Variants in TAB1 observed in about 807,000 individuals in gnomAD.
TAB1 encodes TGF-beta activated kinase 1 (MAP3K7) binding protein 1.
Under a neutral mutation model 54.5 loss-of-function variants are expected in TAB1, and 30 were observed. The ratio of observed to expected loss-of-function variants is 0.55; its 90% CI spans 0.41 to 0.75. The LOEUF is 0.75. TAB1 is among the 30% of genes least tolerant of loss of function. The probability of loss-of-function intolerance (pLI) is 0.00; values close to 1 mark genes in which losing one functional copy is unlikely to be tolerated. For missense variants in TAB1, 609 were observed against 683.2 expected (o/e 0.89, Z 1.21); for synonymous variants, 289 against 286.9 (o/e 1.01, Z -0.07).
downstream of TAB1, chr22:39,433,445 C>A (rs533031341): frequency 2.0e-4 from 188 of 938,704 alleles, 1 homozygote; most frequent in African/African-American, 1.3e-4. Flanking sequence ...AGAGCGAGAC[C>A]CTGTCTCAAG....
chr22:39,405,705 T>G (rs1926331700), intron 1 of TAB1, among the ~76,000 whole-genome samples: 1 of 152,180 alleles, frequency 6.6e-6, no homozygotes, highest in African/African-American at 2.4e-5. Flanking sequence ...GCGAGAGACT[T>G]GGCAGTCCTG....
rs117827974 is a variant in TAB1, at chr22:39,431,313, G to A, written c.*1091G>A. 4.9e-4 allele frequency: 486 copies of A among 985,602 alleles called. 11 individuals carry two copies. In the East Asian group the frequency reaches 0.039, roughly 79 times the overall value. The allele number at this position is 985,602 out of a possible 1,614,324, so 61.1% of individuals were successfully genotyped here. A position where few individuals can be genotyped will look rare whatever the true frequency, so the allele number is the denominator to read the frequency against. ...GGGAGGGGGTGCCACCAGGGCTGTC[G>A]GCCAGGATTGCCACTCCTGTTTCAG... On this transcript the variant is annotated 3_prime_UTR_variant, in exon 11 of 11. Coordinates refer to ENST00000216160, the MANE Select transcript of TAB1 (RefSeq NM_006116.3).
Position 39,415,076 on chromosome 22 carries a change from G to A in TAB1, c.104G>A (p.Arg35His), listed in dbSNP as rs200488916. ...HLSGVGSASN[R>H]SYSADGKGTE... is the part of the protein sequence containing the mutation. ...TCTGGGGTTGGCTCAGCCTCCAACC[G>A]CAGCTACTCTGCTGATGGCAAGGGC... is the stretch of plus-strand genomic sequence containing the variant. Residue 35 changes from arginine (R) to histidine (H), a missense_variant, in exon 2 of 11, where the codon CGC becomes CAC. Physicochemically the swap from Arg to His is conservative, Grantham distance 29. Transcript: ENST00000216160. This position sits in a 1 kb window ranked among gnomAD's most constrained non-coding sequence, Gnocchi z 4.9. 12 of 1,613,648 alleles carry A rather than the reference G, an allele frequency of 7.4e-6. No individual in the cohort carries two copies. Among genetic ancestry groups the A allele is most frequent in the Admixed American group, 6.7e-5 (4 of 59,964 alleles).
chr22:39,427,672 A>C (rs1485851930), intron 9 of TAB1, among the ~76,000 whole-genome samples: 3 of 152,224 alleles, frequency 2.0e-5, no homozygotes, highest in African/African-American at 4.8e-5. Context: ...TTTTATTGCA[A>C]CCATATTTTT....
intron 8 of TAB1, among the ~76,000 whole-genome samples, chr22:39,424,631 A>G (rs778961986): frequency 6.6e-6 from 1 of 152,008 alleles, no homozygotes; most frequent in Non-Finnish European, 1.5e-5. Flanking sequence ...TATTTTTAGT[A>G]GAGATGGGGT....
chr22:39,422,689 G>T (rs898997624), intron 8 of TAB1, among the ~76,000 whole-genome samples: 1 of 152,086 alleles, frequency 6.6e-6, no homozygotes. Context: ...GAGCCACCGC[G>T]CCCGGCAGTT....
In TAB1 at chr22:39,426,837, C is replaced by T. The variant is rs778193742; in HGVS notation, c.1056C>T (p.Cys352=). The change falls in exon 9 of 11, where the codon TGC becomes TGT. Residue 352 remains cysteine (C), a synonymous_variant. Transcript: ENST00000216160. The stretch of plus-strand genomic sequence containing the variant: ...GTGGTGGGGAGCGTGCCAGGTTCTG[C>T]CCCCGGCACGAGGACATGACCCTGC... ...FASGGERARF[C]PRHEDMTLLV... is the part of the protein sequence containing the mutation. 3 of 1,613,432 alleles carry T rather than the reference C, an allele frequency of 1.9e-6. 1 individual carries two copies. Among genetic ancestry groups the T allele is most frequent in the South Asian group, 2.2e-5 (2 of 91,092 alleles).
In TAB1 at chr22:39,430,432, G is replaced by A; in HGVS notation, c.*210G>A. 1 of 1,426,874 alleles carries A rather than the reference G, an allele frequency of 7.0e-7. No individual in the cohort carries two copies. The highest frequency in any genetic ancestry group is 9.2e-7 in the Non-Finnish European group (1 of 1,091,636). 88.4% of individuals were successfully genotyped at this position (1,426,874 alleles called of 1,614,324 possible). ...CTTGTCACCACCCGGGAAGCTGAAGGCCACTTCCTCCCAGATGGCCTCAGC... is the reference window on the plus strand; with the variant it reads ...CTTGTCACCACCCGGGAAGCTGAAGACCACTTCCTCCCAGATGGCCTCAGC... On this transcript the variant is annotated 3_prime_UTR_variant, in exon 11 of 11. Transcript: ENST00000216160.
At chr22:39,417,504 C>G (rs779146458) in intron 4 of TAB1, among the ~76,000 whole-genome samples, 1 of 151,984 alleles carries the variant, frequency 6.6e-6, no homozygotes, top group Non-Finnish European at 1.5e-5. Flanking sequence ...CCTTGTAGTC[C>G]CAGCTACTCT....
At chr22:39,417,048 C>A (rs1284508106) in intron 4 of TAB1, among the ~76,000 whole-genome samples, 171 bp downstream of exon 4, 2 of 152,248 alleles carry the variant, frequency 1.3e-5, no homozygotes, top group East Asian at 3.8e-4. Context: ...CGCTGCTCTG[C>A]TGTGGGCAGC....
Position 39,428,199 on chromosome 22 carries a change from A to T in TAB1, c.1307+16A>T, listed in dbSNP as rs1380785008. ...CCCTCACCAAGTAAGTCCCTTCCCC[A>T]CTGAGCCACCCCCAGCCCTGTCACC... On this transcript the variant is annotated intron_variant, in intron 10 of 10. Transcript: ENST00000216160. 19 of 1,559,676 alleles carry T rather than the reference A, an allele frequency of 1.2e-5. No individual in the cohort carries two copies. The highest frequency in any genetic ancestry group is 1.7e-5 in the Non-Finnish European group (19 of 1,140,586).
downstream of TAB1, chr22:39,433,204 C>A (rs910427463): frequency 2.0e-6 from 2 of 984,268 alleles, no homozygotes; most frequent in East Asian, 1.1e-4. Context: ...GTAATCCCAG[C>A]ACTTTCAGAG....
In TAB1 at chr22:39,431,024, G is replaced by A; in HGVS notation, c.*802G>A. The A allele has an allele frequency of 4.1e-6, 4 of 986,032 alleles. No individual in the cohort carries two copies. The highest frequency in any genetic ancestry group is 4.8e-6 in the Non-Finnish European group (4 of 830,414). 61.1% of individuals were successfully genotyped at this position (986,032 alleles called of 1,614,324 possible). A position where few individuals can be genotyped will look rare whatever the true frequency, so the allele number is the denominator to read the frequency against. ...GGTGCCTGCCTTGCATTTTCCTTCT[G>A]GTGCTGTGAAGACCATAGGCTGGCA... On this transcript the variant is annotated 3_prime_UTR_variant, in exon 11 of 11. Coordinates refer to ENST00000216160, the MANE Select transcript of TAB1 (RefSeq NM_006116.3).
intron 1 of TAB1, among the ~76,000 whole-genome samples, chr22:39,401,487 T>C (rs1347914603): frequency 6.6e-6 from 1 of 152,168 alleles, no homozygotes; most frequent in Non-Finnish European, 1.5e-5. Flanking sequence ...GCTGGTTGGA[T>C]TGTGACATTG....
At chr22:39,433,325 C>T (rs192352759), downstream of TAB1, 72 of 750,584 alleles carry the variant, frequency 9.6e-5, no homozygotes, top group African/African-American at 1.3e-3. Context: ...GTGGTGGGCA[C>T]CTGTAGTCCC....
chr22:39,407,209 C>A (rs1213302167), intron 1 of TAB1, among the ~76,000 whole-genome samples: 1 of 152,202 alleles, frequency 6.6e-6, no homozygotes, highest in Non-Finnish European at 1.5e-5. Flanking sequence ...AGGCTAGATG[C>A]TCATCTTCTC....
intron 1 of TAB1, among the ~76,000 whole-genome samples, chr22:39,409,753 T>C (rs1415467244): frequency 1.3e-5 from 2 of 152,174 alleles, no homozygotes; most frequent in African/African-American, 4.8e-5. Context: ...TCACGCTGTG[T>C]CCCATTACCA....
intron 8 of TAB1, 122 bp from the exon 9 acceptor site, chr22:39,426,581 A>G: frequency 1.2e-6 from 1 of 857,642 alleles, no homozygotes. Flanking sequence ...GCTGGCAGGC[A>G]TTTCCTTCAC....
chr22:39,434,429 A>G (rs542352788), downstream of TAB1, among the ~76,000 whole-genome samples: 4 of 152,332 alleles, frequency 2.6e-5, no homozygotes, highest in Middle Eastern at 6.8e-3. Context: ...AAGCTCCTGA[A>G]ATTTCCGCCG....
Sources: allele counts gnomAD v4.1 joint callset (sites outside exome capture counted in the v4.1 genomes callset), GRCh38; gene constraint gnomAD v4.1.1; non-coding constraint Gnocchi (gnomAD v3.1); transcripts MANE v1.5; gene names NCBI Gene and HGNC (gene_info 2026-07-23, HGNC 2026-07-21).